The following PAK1 variants were observed in gnomAD, a reference collection of about 807,000 sequenced individuals.
PAK1 encodes serine/threonine-protein kinase PAK 1.
PAK1 carries 29 observed loss-of-function variants against 67.4 expected under a neutral mutation model. The ratio of observed to expected loss-of-function variants is 0.43; its 90% CI spans 0.32 to 0.59. The LOEUF (loss-of-function observed/expected upper bound fraction) is 0.59, where lower values mean the gene tolerates loss of function less well. PAK1 is among the 20% of genes least tolerant of loss of function. PAK1 has a pLI of 0.07. For synonymous variants in PAK1, 223 were observed against 237.4 expected (o/e 0.94, Z 0.56); for missense variants, 337 against 670.7 (o/e 0.50, Z 5.50).
At chr11:77,464,387 T>C (rs1957496693) in intron 1 of PAK1, among the ~76,000 whole-genome samples, 1 of 152,242 alleles carries the variant, frequency 6.6e-6, no homozygotes, top group Non-Finnish European at 1.5e-5. Context: ...TTTATCTCTT[T>C]TGTAGGACTT....
intron 1 of PAK1, among the ~76,000 whole-genome samples, chr11:77,431,039 T>C (rs1955834664): frequency 6.6e-6 from 1 of 152,088 alleles, no homozygotes; most frequent in Non-Finnish European, 1.5e-5. Flanking sequence ...TAATGATAAA[T>C]GTAATGCATT....
chr11:77,387,073 C>CAT (rs1174057073), intron 2 of PAK1, among the ~76,000 whole-genome samples: 1 of 126,840 alleles, frequency 7.9e-6, no homozygotes, highest in African/African-American at 3.1e-5. Flanking sequence ...CACGCCCAGC[C>CAT]TTTTTTTTTT....
chr11:77,417,162 T>C (rs1163933923), intron 1 of PAK1, among the ~76,000 whole-genome samples: 4 of 152,224 alleles, frequency 2.6e-5, no homozygotes, highest in Admixed American at 6.5e-5. Flanking sequence ...TTGAAAACTA[T>C]GTTCACACAA....
At chr11:77,490,890 T>C in the PAK1 span, among the ~76,000 whole-genome samples, 2 of 152,100 alleles carry the variant, frequency 1.3e-5, no homozygotes, top group African/African-American at 4.8e-5. Context: ...GGATTAAGGG[T>C]GGTGCAAGAT....
chr11:77,342,799 A>G (rs1290701476), intron 10 of PAK1, among the ~76,000 whole-genome samples: 1 of 152,318 alleles, frequency 6.6e-6, no homozygotes, highest in Non-Finnish European at 1.5e-5. Context: ...GTCATGCAAT[A>G]TAAGAGGTAA....
chr11:77,399,564 T>C (rs910381779), intron 1 of PAK1, among the ~76,000 whole-genome samples: 8 of 152,096 alleles, frequency 5.3e-5, no homozygotes, highest in African/African-American at 1.9e-4. Flanking sequence ...AATGCATTTT[T>C]AAGAAATAAG....
intron 1 of PAK1, among the ~76,000 whole-genome samples, chr11:77,399,432 T>TTTA (rs1441389402): frequency 7.2e-5 from 11 of 152,326 alleles, no homozygotes; most frequent in African/African-American, 2.4e-4. Flanking sequence ...ACTAGTGGTC[T>TTTA]TTAACTCTAG....
Position 77,322,887 on chromosome 11 carries a change from T to C in PAK1, c.*387A>G. ...AAGCAAGCACTAAAGAAATCTCAAT[T>C]GATTACAAATTGATAATATTATCAA... On this transcript the variant is annotated 3_prime_UTR_variant, in exon 15 of 15. Coordinates refer to ENST00000356341, the MANE Select transcript of PAK1 (RefSeq NM_002576.5). The C allele has an allele frequency of 1.8e-6, 1 of 541,234 alleles. No individual in the cohort carries two copies. 33.5% of individuals were successfully genotyped at this position (541,234 alleles called of 1,614,324 possible).
chr11:77,355,935 A>ACC, intron 6 of PAK1, 93 bp from the exon 7 acceptor site: 1 of 718,928 alleles, frequency 1.4e-6, no homozygotes, highest in Admixed American at 2.5e-5. Context: ...CACAGAGCAA[A>ACC]CCCCAATAAA....
intron 1 of PAK1, among the ~76,000 whole-genome samples, chr11:77,398,171 A>G (rs1250168971): frequency 2.0e-5 from 3 of 152,346 alleles, no homozygotes; most frequent in African/African-American, 7.2e-5. Flanking sequence ...ATTATTGATT[A>G]CAGTCACCCT....
the PAK1 span, among the ~76,000 whole-genome samples, chr11:77,508,014 G>A: frequency 2.6e-5 from 4 of 152,028 alleles, no homozygotes; most frequent in South Asian, 2.1e-4. Context: ...TCTCCCCACC[G>A]GGATAAGCAT....
At chr11:77,357,129 CAAAG>C (rs1441395332) in intron 6 of PAK1, among the ~76,000 whole-genome samples, 2 of 152,132 alleles carry the variant, frequency 1.3e-5, no homozygotes, top group African/African-American at 4.8e-5. Flanking sequence ...TAGGTTTCTA[CAAAG>C]ATAGAGGATC....
At chr11:77,497,853 A>G in the PAK1 span, among the ~76,000 whole-genome samples, 4 of 152,242 alleles carry the variant, frequency 2.6e-5, no homozygotes, top group Non-Finnish European at 5.9e-5. Context: ...GTTTTTCACT[A>G]GAATATTAAT....
chr11:77,479,820 C>T, the PAK1 span, among the ~76,000 whole-genome samples: 1 of 151,770 alleles, frequency 6.6e-6, no homozygotes, highest in Non-Finnish European at 1.5e-5. Context: ...GTTGGCCAGG[C>T]TGGTCTCAAA....
chr11:77,527,938 C>T, the PAK1 span, among the ~76,000 whole-genome samples: 3 of 152,138 alleles, frequency 2.0e-5, no homozygotes, highest in South Asian at 6.2e-4. Context: ...GAGCCTCAAC[C>T]TCTCAGGCTC....
intron 1 of PAK1, among the ~76,000 whole-genome samples, chr11:77,471,556 G>A (rs1026648632): frequency 2.0e-5 from 3 of 152,164 alleles, no homozygotes; most frequent in African/African-American, 7.2e-5. Flanking sequence ...GGTAAGGGGT[G>A]GAAGGGAAGC....
intron 1 of PAK1, among the ~76,000 whole-genome samples, chr11:77,429,161 T>C (rs952547127): frequency 7.5e-5 from 11 of 146,978 alleles, no homozygotes; most frequent in Non-Finnish European, 1.5e-4. Flanking sequence ...TAGAACATCT[T>C]ATTGGGCTAG....
At chr11:77,526,915 CAAAA>C in the PAK1 span, among the ~76,000 whole-genome samples, 1 of 98,318 alleles carries the variant, frequency 1.0e-5, no homozygotes. Context: ...GACTCCATCG[CAAAA>C]AAAAAAAAAA....
chr11:77,460,450 G>A (rs1957292426), intron 1 of PAK1, among the ~76,000 whole-genome samples: 1 of 151,384 alleles, frequency 6.6e-6, no homozygotes, highest in South Asian at 2.1e-4. Flanking sequence ...AGGAGGTAAG[G>A]TACTCGAAGT....
Sources: gnomAD v4.1 joint callset for allele counts (sites outside exome capture counted in the v4.1 genomes callset) on GRCh38, gnomAD v4.1.1 for gene constraint, MANE v1.5 for transcripts, NCBI Gene and HGNC (gene_info 2026-07-23, HGNC 2026-07-21) for gene names.